Variants in PRKACB observed in about 807,000 individuals in gnomAD.
PRKACB encodes cAMP-dependent protein kinase catalytic subunit beta.
PRKACB carries 16 observed loss-of-function variants against 51.4 expected under a neutral mutation model. The observed-to-expected ratio is 0.31, with a 90% CI of 0.21 to 0.47. PRKACB has a LOEUF of 0.47. Ranked by LOEUF, PRKACB falls within the 20% of genes least tolerant of loss-of-function variation. The pLI, the probability that PRKACB is intolerant of heterozygous loss-of-function variation, is 1.00. For missense variants in PRKACB, 309 were observed against 464.5 expected (o/e 0.67, Z 3.08); for synonymous variants, 147 against 154.4 (o/e 0.95, Z 0.35).
chr1:84,177,579 A>C (rs1661728867), intron 1 of PRKACB, among the ~76,000 whole-genome samples: 1 of 151,962 alleles, frequency 6.6e-6, no homozygotes, highest in Non-Finnish European at 1.5e-5. Flanking sequence ...TCATCTCTAC[A>C]AAAAGTAAGA....
chr1:84,182,758 A>G (rs1663916418), intron 3 of PRKACB, among the ~76,000 whole-genome samples: 3 of 144,642 alleles, frequency 2.1e-5, no homozygotes, highest in Non-Finnish European at 4.7e-5. Context: ...CTGTCATTTT[A>G]TATAAGGGAC....
chr1:84,223,825 T>G (rs638545), intron 9 of PRKACB, among the ~76,000 whole-genome samples: 46,880 of 152,032 alleles, frequency 0.31, 8,139 homozygotes, highest in East Asian at 0.5. Context: ...CATTTCATCA[T>G]TTTTTGTTTA....
intron 5 of PRKACB, among the ~76,000 whole-genome samples, chr1:84,194,283 T>C (rs1667597576): frequency 2.0e-5 from 3 of 152,214 alleles, no homozygotes; most frequent in Admixed American, 2.0e-4. Context: ...CTCTTTGATA[T>C]TGACTCTTTA....
At chr1:84,174,124 G>T (rs1466720905) in intron 1 of PRKACB, among the ~76,000 whole-genome samples, 2 of 151,730 alleles carry the variant, frequency 1.3e-5, no homozygotes, top group African/African-American at 4.8e-5. Context: ...GCCAAAAAAT[G>T]CCTCCCTGAT....
chr1:84,146,110 T>C (rs1654017925), intron 1 of PRKACB, among the ~76,000 whole-genome samples: 1 of 151,316 alleles, frequency 6.6e-6, no homozygotes, highest in Non-Finnish European at 1.5e-5. Context: ...AATAGTATCA[T>C]GAGCCATGAT....
intron 8 of PRKACB, chr1:84,204,570 C>A (rs1017002733): frequency 2.9e-5 from 44 of 1,538,814 alleles, no homozygotes; most frequent in South Asian, 2.0e-4. Flanking sequence ...AGTGTAGACT[C>A]TCAAGAGGAC....
intron 5 of PRKACB, among the ~76,000 whole-genome samples, chr1:84,189,769 G>A (rs536402787): frequency 6.6e-6 from 1 of 152,028 alleles, no homozygotes; most frequent in South Asian, 2.1e-4. Context: ...GGCTGTCAAA[G>A]AAACAGATTT....
Position 84,237,951 on chromosome 1 carries a change from T to C in PRKACB, c.*2646T>C, listed in dbSNP as rs1233646134. The C allele has an allele frequency of 2.6e-5, 4 of 152,182 alleles. No homozygotes were observed. The East Asian group carries it at 7.7e-4, about 29-fold the overall frequency. 9.4% of individuals were successfully genotyped at this position (152,182 alleles called of 1,614,324 possible). On this transcript the variant is annotated 3_prime_UTR_variant, in exon 10 of 10. Coordinates refer to ENST00000370685, the MANE Select transcript of PRKACB (RefSeq NM_182948.4). ...CTAACTTTCACAGTCGATGACAAGA[T>C]TGTCTTTTTATCTGATATTTTGAAG... is the stretch of plus-strand genomic sequence containing the variant.
In PRKACB at chr1:84,197,784, G is replaced by T. The variant is rs1432757248; in HGVS notation, c.743G>T (p.Gly248Val). ...AAAGGCAGAACTTGGACATTATGTGGAACTCCAGAGTATTTGGCTCCAGAA... is the reference window on the plus strand; with the variant it reads ...AAAGGCAGAACTTGGACATTATGTGTAACTCCAGAGTATTTGGCTCCAGAA... ...RVKGRTWTLC[G>V]TPEYLAPEII... Residue 248 changes from glycine (G) to valine (V), a missense_variant, in exon 7 of 10, where the codon GGA becomes GTA. Coordinates refer to ENST00000370685, the MANE Select transcript of PRKACB (RefSeq NM_182948.4). The T allele has an allele frequency of 6.2e-7, 1 of 1,611,702 alleles. No homozygotes were observed. Among genetic ancestry groups the T allele is most frequent in the South Asian group, 1.1e-5 (1 of 90,946 alleles).
chr1:84,222,419 A>G (rs1378781117), intron 9 of PRKACB, among the ~76,000 whole-genome samples: 2 of 152,282 alleles, frequency 1.3e-5, no homozygotes, highest in East Asian at 3.9e-4. Flanking sequence ...ATTTACATTT[A>G]AAGTTATTAT....
intron 1 of PRKACB, among the ~76,000 whole-genome samples, chr1:84,123,458 G>T (rs1228009081): frequency 6.6e-6 from 1 of 152,054 alleles, no homozygotes; most frequent in Non-Finnish European, 1.5e-5. Context: ...GAAACCATAT[G>T]TACAACAACA....
intron 1 of PRKACB, among the ~76,000 whole-genome samples, chr1:84,100,738 A>G (rs1480926350): frequency 2.6e-5 from 4 of 152,222 alleles, no homozygotes; most frequent in African/African-American, 7.2e-5. Flanking sequence ...AGAGTATTAC[A>G]TAGCTTTTTC....
chr1:84,086,268 T>A (rs553281187), intron 1 of PRKACB: 8 of 1,392,852 alleles, frequency 5.7e-6, no homozygotes, highest in Admixed American at 5.1e-5. Context: ...CTTGCCCCCA[T>A]GGGACCCCAG....
intron 9 of PRKACB, among the ~76,000 whole-genome samples, chr1:84,229,606 T>A (rs1181446950): frequency 1.3e-5 from 2 of 151,730 alleles, no homozygotes; most frequent in African/African-American, 4.9e-5. Context: ...ATTTCCTGAC[T>A]TTTTAATGTT....
chr1:84,196,534 A>T lies in PRKACB; in HGVS notation c.561-82A>T, dbSNP rs12142220. The T allele has an allele frequency of 0.044, 60,640 of 1,379,724 alleles. 1,524 individuals carry two copies. The highest frequency in any genetic ancestry group is 0.076 in the Middle Eastern group (402 of 5,316). 85.5% of individuals were successfully genotyped at this position (1,379,724 alleles called of 1,614,324 possible). On this transcript the variant is annotated intron_variant, in intron 5 of 9. Coordinates refer to ENST00000370685, the MANE Select transcript of PRKACB (RefSeq NM_182948.4). ...TTTGTTCCCAAAGTACCTCTACTTC[A>T]TATTAGTTTTTATGCATAATCTACT...
chr1:84,164,240 T>C, intron 1 of PRKACB: 2 of 1,433,246 alleles, frequency 1.4e-6, no homozygotes, highest in Non-Finnish European at 1.8e-6. Context: ...TTCTGGCTCA[T>C]GAAAAATGAA....
At chr1:84,108,107 A>C (rs2100833167) in intron 1 of PRKACB, among the ~76,000 whole-genome samples, 1 of 152,334 alleles carries the variant, frequency 6.6e-6, no homozygotes, top group East Asian at 1.9e-4. Flanking sequence ...CTGGATAAAG[A>C]AAATGTACAT....
upstream of PRKACB, among the ~76,000 whole-genome samples, chr1:84,142,819 T>G (rs1653554924): frequency 6.6e-6 from 1 of 152,228 alleles, no homozygotes; most frequent in Non-Finnish European, 1.5e-5. Context: ...CACTAATCAG[T>G]GTTTTCTTAT....
chr1:84,234,565 G>A (rs1038943051), intron 9 of PRKACB, among the ~76,000 whole-genome samples: 17 of 152,230 alleles, frequency 1.1e-4, no homozygotes, highest in Non-Finnish European at 1.5e-4. Flanking sequence ...CAATCAGCGA[G>A]ACTCCGTGGG....
Sources: gnomAD v4.1 joint callset for allele counts (sites outside exome capture counted in the v4.1 genomes callset) on GRCh38, gnomAD v4.1.1 for gene constraint, MANE v1.5 for transcripts, NCBI Gene and HGNC (gene_info 2026-07-23, HGNC 2026-07-21) for gene names.